ZNF618: variants seen among roughly 807,000 people sequenced by gnomAD.
ZNF618 encodes neural precursor cell expressed, developmentally down-regulated 10.
ZNF618 carries 34 observed loss-of-function variants against 103.0 expected under a neutral mutation model. The ratio of observed to expected loss-of-function variants is 0.33; its 90% CI spans 0.25 to 0.44. The LOEUF (loss-of-function observed/expected upper bound fraction) is 0.44. ZNF618 is among the 20% of genes least tolerant of loss of function. ZNF618 has a pLI of 1.00. For missense variants in ZNF618, 1,059 were observed against 1,295.4 expected, an observed-to-expected ratio of 0.82 and a Z score of 2.80; for synonymous variants, 551 against 542.2, an observed-to-expected ratio of 1.02 and a Z score of -0.23.
chr9:113,946,960 GCCTGCCT>G (rs1405789957), intron 1 of ZNF618, among the ~76,000 whole-genome samples: 1 of 152,198 alleles, frequency 6.6e-6, no homozygotes, highest in Non-Finnish European at 1.5e-5. Flanking sequence ...TTCTGGGAAA[GCCTGCCT>G]CCTCCTCACT....
chr9:113,941,587 A>C (rs1029748415), intron 1 of ZNF618, among the ~76,000 whole-genome samples: 1 of 152,160 alleles, frequency 6.6e-6, no homozygotes, highest in African/African-American at 2.4e-5. Context: ...CTAGATCCAG[A>C]GTCCCCTTTC....
At chr9:113,882,794 G>T (rs1828652615) in intron 1 of ZNF618, among the ~76,000 whole-genome samples, 1 of 152,148 alleles carries the variant, frequency 6.6e-6, no homozygotes, top group Non-Finnish European at 1.5e-5. Context: ...TGGGGCCCTT[G>T]CCTCTGGTGC....
At position 114,012,130 on chromosome 9, in the gene ZNF618, A is replaced by G. The variant is rs1842308517; in HGVS notation, c.754+3576A>G. On this transcript the variant is annotated intron_variant, in intron 9 of 14. Coordinates refer to ENST00000374126, the MANE Select transcript of ZNF618 (RefSeq NM_001318042.2). ...GAAAATGATCTACCACAAAATCTAG[A>G]AGACCATTCTGTTTGACAACCTCCA... 2.6e-5 allele frequency among the ~76,000 whole-genome samples: 4 copies of G among 152,244 alleles called. No individual in the cohort carries two copies. The South Asian group carries it at 8.3e-4, about 32-fold the overall frequency.
rs145692487 is a variant in ZNF618, at chr9:114,021,181, G to A, written c.844+4397G>A. Among the ~76,000 whole-genome samples, 46 of 152,054 alleles carry A rather than the reference G, an allele frequency of 3.0e-4. 1 individual carries two copies. The East Asian group carries it at 7.9e-3, about 26-fold the overall frequency. On this transcript the variant is annotated intron_variant, in intron 10 of 14. Transcript: ENST00000374126. Reference sequence around the variant, plus strand: ...AATGAACTGAAGAAAGTTACAACCTGGGGATGATTATTCTTTGCCAGATAA... The same window carrying A: ...AATGAACTGAAGAAAGTTACAACCTAGGGATGATTATTCTTTGCCAGATAA...
chr9:113,918,752 C>T (rs1432328617), intron 1 of ZNF618, among the ~76,000 whole-genome samples: 2 of 152,140 alleles, frequency 1.3e-5, no homozygotes, highest in Non-Finnish European at 2.9e-5. Context: ...ATTCTTTGAG[C>T]ATTTCTTACT....
chr9:114,005,269 C>T (rs995144039), intron 6 of ZNF618, among the ~76,000 whole-genome samples: 1 of 152,220 alleles, frequency 6.6e-6, no homozygotes, highest in Admixed American at 6.5e-5. Flanking sequence ...ACCGAGCTCT[C>T]GTGTCTGAAA....
At position 113,914,117 on chromosome 9, in the gene ZNF618, G is replaced by T. The variant is rs531997315; in HGVS notation, c.33+37704G>T. Among the ~76,000 whole-genome samples the T allele has an allele frequency of 2.3e-4, 35 of 152,230 alleles. 1 individual carries two copies. Among genetic ancestry groups the T allele is most frequent in the Non-Finnish European group, 3.5e-4 (24 of 68,018 alleles). ...AACATGCTGCTGGCTAATATAAGGA[G>T]ACATGAACACTGAGTTATTACCCCA... On this transcript the variant is annotated intron_variant, in intron 1 of 14. Transcript: ENST00000374126.
chr9:114,021,075 G>A (rs1041883593), intron 10 of ZNF618, among the ~76,000 whole-genome samples: 3 of 151,816 alleles, frequency 2.0e-5, no homozygotes, highest in African/African-American at 7.3e-5. Flanking sequence ...TAGTACTGGT[G>A]AATTACATAG....
At chr9:114,010,357 G>A (rs1842128337) in intron 9 of ZNF618, among the ~76,000 whole-genome samples, 2 of 149,782 alleles carry the variant, frequency 1.3e-5, no homozygotes, top group African/African-American at 4.9e-5. Context: ...GCTCAAATAC[G>A]AGAAGTTAGA....
chr9:114,024,640 T>C (rs553994298), intron 10 of ZNF618, among the ~76,000 whole-genome samples: 1 of 152,362 alleles, frequency 6.6e-6, no homozygotes, highest in African/African-American at 2.4e-5. Context: ...CCTGAAGTAT[T>C]GAGCAAGGTC....
At chr9:114,033,229 G>T (rs187806175) in intron 12 of ZNF618, among the ~76,000 whole-genome samples, 8 of 152,248 alleles carry the variant, frequency 5.3e-5, no homozygotes, top group Admixed American at 4.6e-4. Flanking sequence ...GGCCAACATG[G>T]TGAAATCCCA....
At chr9:113,929,564 G>A (rs1041932671) in intron 1 of ZNF618, among the ~76,000 whole-genome samples, 1 of 152,102 alleles carries the variant, frequency 6.6e-6, no homozygotes, top group Admixed American at 6.5e-5. Context: ...TAAATTAGCT[G>A]GGAGACAGGG....
rs753093313 is a variant in ZNF618, at chr9:113,988,555, C to T, written c.312C>T (p.Gly104=). The T allele has an allele frequency of 5.0e-5, 80 of 1,609,574 alleles. No individual in the cohort carries two copies. Among genetic ancestry groups the T allele is most frequent in the African/African-American group, 1.9e-4 (14 of 74,920 alleles). The change falls in exon 3 of 15, where the codon GGC becomes GGT. Residue 104 remains glycine (G), a synonymous_variant. Transcript: ENST00000374126. Reference sequence around the variant, plus strand: ...CTGCCGAGATCTGCGTGGTGATCGGCGGCGTCCGCAACCAGCAGACCCTTG... The same window carrying T: ...CTGCCGAGATCTGCGTGGTGATCGGTGGCGTCCGCAACCAGCAGACCCTTG... ...DVPAEICVVI[G]GVRNQQTLDG...
intron 2 of ZNF618, among the ~76,000 whole-genome samples, chr9:113,970,407 T>C (rs1245524831): frequency 2.0e-5 from 3 of 152,186 alleles, no homozygotes; most frequent in Non-Finnish European, 4.4e-5. Context: ...GAGGCCATTA[T>C]ACCAGGCCGG....
Position 113,954,138 on chromosome 9 carries a change from G to C in ZNF618, c.34-14979G>C, listed in dbSNP as rs16910951. 7.0e-3 allele frequency among the ~76,000 whole-genome samples: 1,065 copies of C among 152,286 alleles called. 15 individuals are homozygous for C. The highest frequency in any genetic ancestry group is 0.024 in the African/African-American group (997 of 41,538). ...GCCTTTTATGATACTGTTCAGCAAA[G>C]AGCAAAGATGTCCTGCGTGCCTCTG... On this transcript the variant is annotated intron_variant, in intron 1 of 14. Coordinates refer to ENST00000374126, the MANE Select transcript of ZNF618 (RefSeq NM_001318042.2).
chr9:114,012,698 A>G (rs1842359404), intron 9 of ZNF618, among the ~76,000 whole-genome samples: 1 of 152,220 alleles, frequency 6.6e-6, no homozygotes, highest in South Asian at 2.1e-4. Context: ...TAAAGAGCCG[A>G]GTTTATCTGC....
At chr9:114,015,004 A>C (rs1842541826) in intron 9 of ZNF618, among the ~76,000 whole-genome samples, 2 of 152,244 alleles carry the variant, frequency 1.3e-5, no homozygotes, top group Non-Finnish European at 2.9e-5. Context: ...TGAAGTGGAA[A>C]GATTTATCAC....
intron 1 of ZNF618, among the ~76,000 whole-genome samples, chr9:113,966,172 A>C (rs951456976): frequency 6.6e-6 from 1 of 152,214 alleles, no homozygotes; most frequent in Admixed American, 6.5e-5. Context: ...ATGCTATTAC[A>C]TGTTTTACCT....
chr9:113,984,814 G>A (rs543207367), intron 2 of ZNF618, among the ~76,000 whole-genome samples: 63 of 152,268 alleles, frequency 4.1e-4, no homozygotes, highest in African/African-American at 1.4e-3. Flanking sequence ...TTTACCCCCC[G>A]GCTTGAATGT....
Sources: allele counts gnomAD v4.1 joint callset (sites outside exome capture counted in the v4.1 genomes callset), GRCh38; gene constraint gnomAD v4.1.1; transcripts MANE v1.5; gene names NCBI Gene and HGNC (gene_info 2026-07-23, HGNC 2026-07-21).